The following RYR1 variants were observed in gnomAD, a reference collection of about 807,000 sequenced individuals.
RYR1 encodes the protein central core disease of muscle.
RYR1 carries 342 observed loss-of-function variants against 583.5 expected under a neutral mutation model. The observed-to-expected ratio is 0.59, with a 90% confidence interval of 0.54 to 0.64. The LOEUF is 0.64. Ranked by LOEUF, RYR1 falls within the 30% of genes least tolerant of loss-of-function variation. RYR1 has a pLI of 0.00. For missense variants in RYR1, 6,032 were observed against 6,917.2 expected (o/e 0.87, Z 4.54); for synonymous variants, 2,791 against 2,822.5 (o/e 0.99, Z 0.35).
rs751301767 is a variant in RYR1 at position 38,502,918 on chromosome 19, G to A, written c.7874G>A (p.Arg2625His). The A allele has an allele frequency of 5.0e-6, 8 of 1,611,694 alleles. No homozygotes were observed. The highest frequency in any genetic ancestry group is 5.1e-6 in the Non-Finnish European group (6 of 1,179,988). Residue 2625 changes from arginine (R) to histidine (H), a missense_variant, in exon 49 of 106, where the codon CGC (arginine) becomes CAC (histidine). Arg to His is a conservative substitution (Grantham distance 29). Around this residue, in one of 11 missense-constraint regions of RYR1, gnomAD observed 250 missense variants for 162.3 expected, o/e 1.54. Coordinates refer to ENST00000359596, the MANE Select transcript of RYR1 (RefSeq NM_000540.3). ...TCGATGCTGCAGCACCTGTTGCGCC[G>A]CCTGGTGTTCGACGTGCCCATCCTC... Reference protein sequence around the residue: ...RPSMLQHLLRRLVFDVPILNE... With the variant: ...RPSMLQHLLRHLVFDVPILNE...
At chr19:38,518,440 G>A (rs1170847136) in intron 66 of RYR1, among the ~76,000 whole-genome samples, 2 of 149,694 alleles carry the variant, frequency 1.3e-5, no homozygotes, top group Non-Finnish European at 3.0e-5. Flanking sequence ...TTTGTGTAAG[G>A]AAACAGGTTG....
chr19:38,486,637 G>A (rs1354232248), intron 34 of RYR1, among the ~76,000 whole-genome samples: 4 of 151,922 alleles, frequency 2.6e-5, no homozygotes, highest in Admixed American at 1.3e-4. Flanking sequence ...CACCGCGTCC[G>A]GCCTCCATCC....
intron 20 of RYR1, among the ~76,000 whole-genome samples, chr19:38,461,154 AAAAC>A (rs143176132): frequency 0.62 from 93,957 of 151,112 alleles, 29,773 homozygotes; most frequent in Middle Eastern, 0.7. Flanking sequence ...ACTTCATCTC[AAAAC>A]AAACAAACAA....
At chr19:38,520,516 G>C (rs954094606) in intron 67 of RYR1, among the ~76,000 whole-genome samples, 1 of 150,964 alleles carries the variant, frequency 6.6e-6, no homozygotes, top group Non-Finnish European at 1.5e-5. Context: ...CCAACGTGGC[G>C]AAACCCTGTC....
Position 38,527,702 on chromosome 19 carries a change from G to A in RYR1, c.10742G>A (p.Gly3581Asp), listed in dbSNP as rs148130880. The A allele has an allele frequency of 2.5e-6, 4 of 1,614,050 alleles. No homozygotes were observed. The African/African-American group carries it at 4.0e-5, about 16-fold the overall frequency. Reference sequence around the variant, plus strand: ...ATGGCTCTGTACCGGGGCGTCCCGGGTCGCGAGGAGGACGCCGATGACCCC... The same window carrying A: ...ATGGCTCTGTACCGGGGCGTCCCGGATCGCGAGGAGGACGCCGATGACCCC... The part of the protein sequence containing the change: ...WQMALYRGVP[G>D]REEDADDPEK... The change falls in exon 73 of 106, where the codon GGT becomes GAT. Residue 3581 changes from glycine to aspartate, a missense_variant. Transcript: ENST00000359596.
chr19:38,509,076 T>C (rs906905552), intron 58 of RYR1, among the ~76,000 whole-genome samples: 1 of 150,710 alleles, frequency 6.6e-6, no homozygotes, highest in African/African-American at 2.5e-5. Flanking sequence ...CCTTGAGAGC[T>C]ACCCTCAGGA....
intron 37 of RYR1, among the ~76,000 whole-genome samples, chr19:38,491,204 C>G (rs1026145769): frequency 5.3e-5 from 8 of 152,128 alleles, no homozygotes; most frequent in Non-Finnish European, 8.8e-5. Context: ...CTTTGCCTTT[C>G]AACAATTTAG....
chr19:38,506,399 G>C lies in RYR1; in HGVS notation c.8616+22G>C, dbSNP rs201647922. The stretch of plus-strand genomic sequence containing the variant: ...GCAGGTGAGAGCCCTGATCCTTTTG[G>C]GGGGACATAGGGTGTCTTTGGGGGG... On this transcript the variant is annotated intron_variant, in intron 55 of 105. Coordinates refer to ENST00000359596, the MANE Select transcript of RYR1 (RefSeq NM_000540.3). The C allele has an allele frequency of 1.7e-3, 2,802 of 1,613,850 alleles. 8 individuals are homozygous for C. The highest frequency in any genetic ancestry group is 8.2e-3 in the Middle Eastern group (50 of 6,062).
In RYR1 at chr19:38,565,323, C is replaced by G; in HGVS notation, c.12989C>G (p.Thr4330Ser). Residue 4330 changes from threonine to serine, a missense_variant, in exon 91 of 106, where the codon ACC becomes AGC. Thr to Ser is a moderately conservative substitution (Grantham distance 58). This residue lies in a region of RYR1 where 753 missense variants were observed against 759.6 expected (regional missense o/e 0.99). Coordinates refer to ENST00000359596, the MANE Select transcript of RYR1 (RefSeq NM_000540.3). The surrounding 1 kb of genome is among the most constrained non-coding windows in gnomAD (Gnocchi z 4.7). ...LRRLTAREAATAVAALLWAAV... is the reference protein window; with the variant it reads ...LRRLTAREAASAVAALLWAAV... ...CGGCTTACGGCCCGCGAGGCGGCCA[C>G]CGCAGTGGCGGCGCTGCTCTGGGCA... 1 of 1,173,882 alleles carries G rather than the reference C, an allele frequency of 8.5e-7. No individual in the cohort carries two copies. Among genetic ancestry groups the G allele is most frequent in the Admixed American group, 4.7e-5 (1 of 21,406 alleles). The allele number at this position is 1,173,882 out of a possible 1,614,324, so 72.7% of individuals were successfully genotyped here.
intron 90 of RYR1, among the ~76,000 whole-genome samples, chr19:38,562,906 T>C (rs1167750262): frequency 1.3e-5 from 2 of 152,210 alleles, no homozygotes; most frequent in African/African-American, 4.8e-5. Flanking sequence ...CTTGAGATCT[T>C]GCACACTCAT....
chr19:38,517,390 G>A lies in RYR1; in HGVS notation c.9717G>A (p.Met3239Ile). The change falls in exon 66 of 106, where the codon ATG becomes ATA. Residue 3239 changes from methionine (M) to isoleucine (I), a missense_variant. Physicochemically the swap from Met to Ile is conservative, Grantham distance 10. This residue lies in a region of RYR1 where 1,493 missense variants were observed against 1,715.5 expected (regional missense o/e 0.87). Coordinates refer to ENST00000359596, the MANE Select transcript of RYR1 (RefSeq NM_000540.3). ...ILGLPNSVEEMCPDIPVLERL... is the reference protein window; with the variant it reads ...ILGLPNSVEEICPDIPVLERL... ...GGCTCCCCAACAGTGTGGAGGAGATGTGTCCCGACATCCCGGTGCTGGAGC... is the reference window on the plus strand; with the variant it reads ...GGCTCCCCAACAGTGTGGAGGAGATATGTCCCGACATCCCGGTGCTGGAGC... 1.2e-6 allele frequency: 2 copies of A among 1,614,022 alleles called. No individual in the cohort carries two copies. Among genetic ancestry groups the A allele is most frequent in the Non-Finnish European group, 1.7e-6 (2 of 1,180,010 alleles).
chr19:38,542,174 A>C (rs574736058), intron 84 of RYR1, among the ~76,000 whole-genome samples: 85 of 151,706 alleles, frequency 5.6e-4, no homozygotes, highest in African/African-American at 2.1e-3. Context: ...AACGCAACAA[A>C]TTTGTTGTAG....
intron 2 of RYR1, 114 bp downstream of exon 2, chr19:38,440,978 A>T: frequency 2.3e-6 from 2 of 878,676 alleles, no homozygotes; most frequent in Admixed American, 3.4e-5. Context: ...CAGGAGAGAA[A>T]GTGAGGAGGG....
chr19:38,462,473 A>G (rs1054423433), intron 20 of RYR1, among the ~76,000 whole-genome samples: 1 of 134,286 alleles, frequency 7.4e-6, no homozygotes, highest in Non-Finnish European at 1.6e-5. Context: ...TGGGCTGTCC[A>G]CTCGGCCTCC....
chr19:38,462,225 A>G (rs552137778), intron 20 of RYR1, among the ~76,000 whole-genome samples: 4 of 152,326 alleles, frequency 2.6e-5, no homozygotes, highest in African/African-American at 9.6e-5. Flanking sequence ...TCCGTGAGGA[A>G]AAGGGGATAA....
intron 70 of RYR1, 104 bp from the exon 71 acceptor site, chr19:38,525,228 G>A: frequency 2.2e-6 from 3 of 1,358,346 alleles, no homozygotes; most frequent in South Asian, 2.3e-5. Context: ...GGGAGGGAGT[G>A]CCTGGTGTCC....
chr19:38,435,511 C>G (rs559433297), intron 1 of RYR1, among the ~76,000 whole-genome samples: 1 of 152,112 alleles, frequency 6.6e-6, no homozygotes, highest in Non-Finnish European at 1.5e-5. Context: ...GTGAGCGGAT[C>G]ACTTGAGGTC....
chr19:38,544,197 G>A (rs771736570), intron 87 of RYR1, among the ~76,000 whole-genome samples: 1 of 152,158 alleles, frequency 6.6e-6, no homozygotes. Context: ...TCGCAGATGT[G>A]GACAGTCCTT....
In RYR1 at chr19:38,486,225, C is replaced by T. The variant is rs184902961; in HGVS notation, c.5547+23C>T. 1.1e-5 allele frequency: 18 copies of T among 1,612,694 alleles called. No homozygotes were observed. In the East Asian group the frequency reaches 2.5e-4, roughly 22 times the overall value. On this transcript the variant is annotated intron_variant, in intron 34 of 105. Transcript: ENST00000359596. Reference sequence around the variant, plus strand: ...CTGGTAATGGCTTCCTCCTGCTTTCCTCTGTCCCATTCTTCTCCCACATTC... The same window carrying T: ...CTGGTAATGGCTTCCTCCTGCTTTCTTCTGTCCCATTCTTCTCCCACATTC...
Sources: allele counts gnomAD v4.1 joint callset (sites outside exome capture counted in the v4.1 genomes callset), GRCh38; gene constraint gnomAD v4.1.1; regional missense constraint gnomAD v4.1.1; non-coding constraint Gnocchi (gnomAD v3.1); transcripts MANE v1.5; gene names NCBI Gene and HGNC (gene_info 2026-07-23, HGNC 2026-07-21).